Variants in NXPH1 observed in about 807,000 individuals in gnomAD.
NXPH1 encodes neurexophilin-1.
A neutral mutation model predicts 23.7 loss-of-function variants in NXPH1; 5 were observed. The ratio of observed to expected loss-of-function variants is 0.21; its 90% CI spans 0.11 to 0.44. NXPH1 has a LOEUF of 0.44. Among genes scored for constraint, NXPH1 ranks in the 20% least tolerant of loss-of-function variants. NXPH1 has a pLI of 0.99. For synonymous variants in NXPH1, 144 were observed against 122.2 expected (o/e 1.18, Z -1.18); for missense variants, 324 against 321.6 (o/e 1.01, Z -0.06).
intron 2 of NXPH1, among the ~76,000 whole-genome samples, chr7:8,448,215 TA>T (rs1712221209): frequency 1.3e-5 from 2 of 152,222 alleles, no homozygotes; most frequent in Non-Finnish European, 2.9e-5. Flanking sequence ...CCATTAGAGT[TA>T]TTATTGAGAA....
intron 2 of NXPH1, among the ~76,000 whole-genome samples, chr7:8,611,273 C>A (rs973973504): frequency 2.6e-5 from 4 of 152,110 alleles, no homozygotes; most frequent in African/African-American, 9.7e-5. Flanking sequence ...TGTTCCCTTA[C>A]CCCCAAGTTT....
intron 2 of NXPH1, among the ~76,000 whole-genome samples, chr7:8,514,106 ATTAC>A (rs762167348): frequency 1.3e-5 from 2 of 152,090 alleles, no homozygotes; most frequent in African/African-American, 2.4e-5. Context: ...ATCTTTGCTA[ATTAC>A]TTCTGAAAAG....
At chr7:8,743,805 T>TC (rs1427503648) in intron 2 of NXPH1, among the ~76,000 whole-genome samples, 1 of 151,778 alleles carries the variant, frequency 6.6e-6, no homozygotes, top group Non-Finnish European at 1.5e-5. Context: ...CGCCTCAGCC[T>TC]CCCGAGTAGC....
chr7:8,510,132 G>C (rs1327123850), intron 2 of NXPH1, among the ~76,000 whole-genome samples: 1 of 152,134 alleles, frequency 6.6e-6, no homozygotes, highest in Non-Finnish European at 1.5e-5. Flanking sequence ...ATACAAAGGA[G>C]CTCAGCTTTA....
At chr7:8,606,225 A>G (rs1189770583) in intron 2 of NXPH1, among the ~76,000 whole-genome samples, 1 of 152,120 alleles carries the variant, frequency 6.6e-6, no homozygotes, top group Non-Finnish European at 1.5e-5. Context: ...GATTGATAGA[A>G]GATGAGAGGA....
chr7:8,438,347 T>C (rs1369768180), intron 2 of NXPH1, among the ~76,000 whole-genome samples: 1 of 152,256 alleles, frequency 6.6e-6, no homozygotes, highest in African/African-American at 2.4e-5. Context: ...ACTGGATGCA[T>C]ACAGATTGTC....
At chr7:8,665,808 A>G (rs998156637) in intron 2 of NXPH1, among the ~76,000 whole-genome samples, 1 of 151,164 alleles carries the variant, frequency 6.6e-6, no homozygotes, top group Non-Finnish European at 1.5e-5. Context: ...CTTTTTTTGG[A>G]AAGTTTGTTG....
intron 2 of NXPH1, among the ~76,000 whole-genome samples, chr7:8,718,199 A>C (rs971290267): frequency 6.6e-6 from 1 of 152,166 alleles, no homozygotes; most frequent in Non-Finnish European, 1.5e-5. Flanking sequence ...AACATATTAT[A>C]TGTAAAGCAG....
intron 2 of NXPH1, among the ~76,000 whole-genome samples, chr7:8,746,592 C>T (rs1206312146): frequency 1.3e-5 from 2 of 152,152 alleles, no homozygotes; most frequent in African/African-American, 2.4e-5. Flanking sequence ...GCTTTCTTTC[C>T]TTTTCAACAT....
chr7:8,617,002 AAGG>A (rs781221670), intron 2 of NXPH1, among the ~76,000 whole-genome samples: 16 of 152,086 alleles, frequency 1.1e-4, no homozygotes, highest in East Asian at 7.7e-4. Context: ...GTGGATAAGA[AAGG>A]AGCGGATTGT....
chr7:8,654,495 T>C (rs1364312076), intron 2 of NXPH1, among the ~76,000 whole-genome samples: 2 of 152,210 alleles, frequency 1.3e-5, no homozygotes, highest in African/African-American at 4.8e-5. Flanking sequence ...TCATATAGTG[T>C]CACAATGAGG....
At chr7:8,457,204 T>C (rs1816611104) in intron 2 of NXPH1, among the ~76,000 whole-genome samples, 1 of 152,166 alleles carries the variant, frequency 6.6e-6, no homozygotes, top group South Asian at 2.1e-4. Flanking sequence ...CTTGAAGAAA[T>C]TCTCTTTACT....
At chr7:8,730,296 T>C (rs1265434358) in intron 2 of NXPH1, among the ~76,000 whole-genome samples, 1 of 149,696 alleles carries the variant, frequency 6.7e-6, no homozygotes, top group Non-Finnish European at 1.5e-5. Context: ...CTTTATCCAA[T>C]TTGCCAGTCT....
intron 2 of NXPH1, among the ~76,000 whole-genome samples, chr7:8,518,936 C>T (rs1817728090): frequency 6.6e-6 from 1 of 151,714 alleles, no homozygotes; most frequent in Non-Finnish European, 1.5e-5. Flanking sequence ...TTTTTTTCTC[C>T]CCAAAGGCTG....
intron 2 of NXPH1, among the ~76,000 whole-genome samples, chr7:8,750,339 T>G (rs1023691179): frequency 2.0e-5 from 3 of 152,180 alleles, no homozygotes; most frequent in African/African-American, 7.2e-5. Flanking sequence ...ATATTTCTTC[T>G]AACAAAATGG....
intron 2 of NXPH1, among the ~76,000 whole-genome samples, chr7:8,561,874 A>G (rs1818451161): frequency 6.6e-6 from 1 of 151,754 alleles, no homozygotes; most frequent in Admixed American, 6.6e-5. Context: ...GAGAAACAAA[A>G]GAACAAAGCA....
intron 2 of NXPH1, among the ~76,000 whole-genome samples, chr7:8,727,387 G>T (rs1033881364): frequency 1.4e-4 from 20 of 140,404 alleles, no homozygotes; most frequent in Admixed American, 3.5e-4. Context: ...ATTGCTTTTG[G>T]TGTTTTAGAC....
chr7:8,523,741 G>A (rs1817814582), intron 2 of NXPH1, among the ~76,000 whole-genome samples: 1 of 152,194 alleles, frequency 6.6e-6, no homozygotes, highest in South Asian at 2.1e-4. Context: ...GAACAGCTGA[G>A]TTAAACCTAA....
At chr7:8,486,084 C>A (rs1379189841) in intron 2 of NXPH1, among the ~76,000 whole-genome samples, 1 of 152,202 alleles carries the variant, frequency 6.6e-6, no homozygotes, top group East Asian at 1.9e-4. Flanking sequence ...CCATAAATGC[C>A]ATTTCTTTCC....
Sources: allele counts gnomAD v4.1 joint callset (sites outside exome capture counted in the v4.1 genomes callset), GRCh38; gene constraint gnomAD v4.1.1; transcripts MANE v1.5; gene names NCBI Gene and HGNC (gene_info 2026-07-23, HGNC 2026-07-21).